Variants in PTPN4 observed in about 807,000 individuals in gnomAD.
PTPN4 encodes the protein protein tyrosine phosphatase non-receptor type 4.
PTPN4 carries 49 observed loss-of-function variants against 135.5 expected under a neutral mutation model. The ratio of observed to expected loss-of-function variants is 0.36; its 90% confidence interval spans 0.29 to 0.46. The LOEUF is 0.46. PTPN4 is among the 20% of genes least tolerant of loss of function. The pLI, the probability that PTPN4 is intolerant of heterozygous loss-of-function variation, is 1.00. For synonymous variants in PTPN4, 333 were observed against 369.9 expected, an observed-to-expected ratio of 0.90 and a Z score of 1.14; for missense variants, 860 against 1,101.0, an observed-to-expected ratio of 0.78 and a Z score of 3.10.
At chr2:119,900,021 G>T (rs969026795) in intron 9 of PTPN4, among the ~76,000 whole-genome samples, 2 of 152,086 alleles carry the variant, frequency 1.3e-5, no homozygotes, top group African/African-American at 4.8e-5. Flanking sequence ...TTTAAATAAA[G>T]AAGCAAAATG....
At chr2:119,811,885 T>C (rs1016352973) in intron 2 of PTPN4, among the ~76,000 whole-genome samples, 8 of 151,786 alleles carry the variant, frequency 5.3e-5, no homozygotes, top group Admixed American at 3.9e-4. Flanking sequence ...TAATGTACTT[T>C]TATATGTTTA....
chr2:119,762,319 G>C (rs1215719133), intron 1 of PTPN4, among the ~76,000 whole-genome samples: 1 of 151,968 alleles, frequency 6.6e-6, no homozygotes, highest in East Asian at 1.9e-4. Context: ...ATTTACGTGA[G>C]ATGGTAATAA....
chr2:119,939,002 A>AT (rs796628371), intron 15 of PTPN4, among the ~76,000 whole-genome samples: 1 of 152,308 alleles, frequency 6.6e-6, no homozygotes, highest in South Asian at 2.1e-4. Flanking sequence ...TAATTAGGTG[A>AT]CCTTTGGTGA....
At chr2:119,771,005 G>A (rs1028255763) in intron 1 of PTPN4, among the ~76,000 whole-genome samples, 1 of 151,562 alleles carries the variant, frequency 6.6e-6, no homozygotes, top group Non-Finnish European at 1.5e-5. Context: ...TCAGCCTCCC[G>A]AGTGGCTGGG....
chr2:119,893,720 A>G (rs1678275988), intron 9 of PTPN4, among the ~76,000 whole-genome samples: 1 of 152,184 alleles, frequency 6.6e-6, no homozygotes, highest in African/African-American at 2.4e-5. Context: ...CTTTCTTTCT[A>G]TCAAAGACAC....
intron 2 of PTPN4, among the ~76,000 whole-genome samples, chr2:119,833,730 A>G (rs1468979005): frequency 6.6e-6 from 1 of 152,150 alleles, no homozygotes. Flanking sequence ...TGTAAACAGT[A>G]TATAATGTAA....
At chr2:119,968,922 A>G (rs1294731573) in intron 26 of PTPN4, among the ~76,000 whole-genome samples, 4 of 152,248 alleles carry the variant, frequency 2.6e-5, no homozygotes, top group Non-Finnish European at 5.9e-5. Context: ...TGTTAAAATT[A>G]TCTTTTGCAC....
chr2:119,851,258 G>A (rs1376288775), intron 2 of PTPN4, among the ~76,000 whole-genome samples: 1 of 152,150 alleles, frequency 6.6e-6, no homozygotes, highest in African/African-American at 2.4e-5. Flanking sequence ...TTACAGGTCT[G>A]CAGCAACCTT....
chr2:119,887,667 G>T (rs1678179459), intron 9 of PTPN4, among the ~76,000 whole-genome samples: 1 of 152,144 alleles, frequency 6.6e-6, no homozygotes, highest in African/African-American at 2.4e-5. Flanking sequence ...TGTTGACTTT[G>T]TTGAAGATCA....
intron 9 of PTPN4, among the ~76,000 whole-genome samples, chr2:119,898,491 T>A (rs1216701164): frequency 6.6e-6 from 1 of 152,114 alleles, no homozygotes; most frequent in East Asian, 1.9e-4. Flanking sequence ...CAGACAATAA[T>A]AGGGAGCCAT....
intron 3 of PTPN4, among the ~76,000 whole-genome samples, chr2:119,872,555 C>G (rs1256977757): frequency 1.3e-5 from 2 of 152,158 alleles, no homozygotes; most frequent in Non-Finnish European, 2.9e-5. Context: ...TTACCCTACC[C>G]CTCTTACCTT....
At chr2:119,899,457 C>T (rs112315696) in intron 9 of PTPN4, among the ~76,000 whole-genome samples, 55 of 152,230 alleles carry the variant, frequency 3.6e-4, no homozygotes, top group African/African-American at 1.3e-3. Flanking sequence ...TTTTTCCTCT[C>T]AGTAAATCTA....
intron 13 of PTPN4, 69 bp downstream of exon 13, chr2:119,926,735 CTAAATAT>C: frequency 1.6e-6 from 2 of 1,226,654 alleles, no homozygotes; most frequent in Non-Finnish European, 2.3e-6. Context: ...AAAAGTTTTT[CTAAATAT>C]TTTTTCTAAA....
In PTPN4 at chr2:119,969,552, C is replaced by CTTTTTT. The variant is rs35531556; in HGVS notation, c.2694+1599_2694+1604dup. Among the ~76,000 whole-genome samples the CTTTTTT allele has an allele frequency of 1.2e-3, 135 of 113,870 alleles. 1 individual carries two copies. Among genetic ancestry groups the CTTTTTT allele is most frequent in the Non-Finnish European group, 1.3e-3 (76 of 59,514 alleles). 74.7% of individuals were successfully genotyped at this position (113,870 alleles called of 152,430 possible). ...AATTATCAAGAAATGTAATCAATTT[C>CTTTTTT]TTTTTTTTTTTTTTTTTTTTTTTTG... On this transcript the variant is annotated intron_variant, in intron 26 of 26. Transcript: ENST00000263708.
At chr2:119,889,945 A>G (rs1052173418) in intron 9 of PTPN4, among the ~76,000 whole-genome samples, 4 of 152,246 alleles carry the variant, frequency 2.6e-5, no homozygotes, top group African/African-American at 9.6e-5. Context: ...CATATGGCCT[A>G]TCTTGGAAGA....
chr2:119,941,968 G>T (rs898563770), intron 15 of PTPN4, among the ~76,000 whole-genome samples: 2 of 152,192 alleles, frequency 1.3e-5, no homozygotes, highest in African/African-American at 2.4e-5. Context: ...AACTGGTACT[G>T]CAGGCCCATT....
At position 119,977,732 on chromosome 2, in the gene PTPN4, CTT is replaced by C. The variant is rs1033933692; in HGVS notation, c.*663_*664del. ...AATTCTCTTGGATTTAATAATGTAA[CTT>C]ATATTTATCATAAGGTTGGCTTATT... On this transcript the variant is annotated 3_prime_UTR_variant, in exon 27 of 27. Transcript: ENST00000263708. 3.9e-5 allele frequency: 6 copies of C among 152,066 alleles called. No homozygotes were observed. The highest frequency in any genetic ancestry group is 1.9e-4 in the East Asian group (1 of 5,198). 9.4% of individuals were successfully genotyped at this position (152,066 alleles called of 1,614,324 possible).
At chr2:119,893,158 A>G (rs1482099765) in intron 9 of PTPN4, among the ~76,000 whole-genome samples, 1 of 152,212 alleles carries the variant, frequency 6.6e-6, no homozygotes, top group African/African-American at 2.4e-5. Context: ...AGTATACTAT[A>G]AGATACTAAG....
At chr2:119,878,955 T>G (rs1362184573) in intron 5 of PTPN4, among the ~76,000 whole-genome samples, 1 of 151,470 alleles carries the variant, frequency 6.6e-6, no homozygotes, top group Non-Finnish European at 1.5e-5. Flanking sequence ...TAGCCGGGTG[T>G]GGTGGCAGGC....
Sources: gnomAD v4.1 joint callset for allele counts (sites outside exome capture counted in the v4.1 genomes callset) on GRCh38, gnomAD v4.1.1 for gene constraint, MANE v1.5 for transcripts, NCBI Gene and HGNC (gene_info 2026-07-23, HGNC 2026-07-21) for gene names.